WDPCP: variants seen among roughly 807,000 people sequenced by gnomAD.
The protein encoded by WDPCP is WD repeat containing planar cell polarity effector.
In WDPCP, 71 loss-of-function variants were observed where a neutral mutation model predicts 93.1. That is an observed-to-expected ratio of 0.76 (90% confidence interval 0.63 to 0.93). The LOEUF (loss-of-function observed/expected upper bound fraction) is 0.93, where lower values mean the gene tolerates loss of function less well. Among genes scored for constraint, WDPCP ranks in the 40% least tolerant of loss-of-function variants. The probability of loss-of-function intolerance (pLI) is 0.00; values close to 1 mark genes in which losing one functional copy is unlikely to be tolerated. For synonymous variants in WDPCP, 315 were observed against 315.0 expected, an observed-to-expected ratio of 1.00 and a Z score of 0.00; for missense variants, 844 against 887.4, an observed-to-expected ratio of 0.95 and a Z score of 0.62.
intron 3 of WDPCP, chr2:63,622,589 C>T (rs1487267869): frequency 6.2e-7 from 1 of 1,613,798 alleles, no homozygotes; most frequent in Non-Finnish European, 8.5e-7. Context: ...TAGAGTCCTC[C>T]AGGATGTACA....
upstream of WDPCP, among the ~76,000 whole-genome samples, chr2:63,828,131 A>G (rs1671140131): frequency 6.7e-6 from 1 of 149,212 alleles, no homozygotes; most frequent in South Asian, 2.1e-4. Context: ...TGTTTTTTAG[A>G]TCTCTTCTTT....
intron 2 of WDPCP, among the ~76,000 whole-genome samples, chr2:63,757,972 C>G (rs1420511516): frequency 6.6e-6 from 1 of 152,056 alleles, no homozygotes; most frequent in African/African-American, 2.4e-5. Flanking sequence ...TTGTTTGTTA[C>G]TACAGTAAAA....
At position 63,709,117 on chromosome 2, in the gene WDPCP, CAGAT is replaced by C. The variant is rs1669221117; in HGVS notation, n.309-58283_309-58280del. 2.7e-5 allele frequency among the ~76,000 whole-genome samples: 2 copies of C among 74,382 alleles called. 1 individual carries two copies. Among genetic ancestry groups the C allele is most frequent in the African/African-American group, 1.2e-4 (2 of 16,896 alleles). 48.8% of individuals were successfully genotyped at this position (74,382 alleles called of 152,430 possible). ...GCTTGGTGATGTATGCCTGTAATCC[CAGAT>C]ACTAGGTAGGCTGAGGCCAGAGAAT... On this transcript the variant is annotated intron_variant and non_coding_transcript_variant, in intron 2 of 4. Coordinates refer to the WDPCP transcript ENST00000467687.
chr2:63,254,236 CA>C (rs1278225599), intron 14 of WDPCP, among the ~76,000 whole-genome samples: 1 of 152,008 alleles, frequency 6.6e-6, no homozygotes, highest in Non-Finnish European at 1.5e-5. Context: ...AATAGAAGGG[CA>C]AGGAGCAAGG....
intron 5 of WDPCP, 109 bp from the exon 6 acceptor site, chr2:63,484,772 A>T (rs1399673140): frequency 1.3e-6 from 2 of 1,516,382 alleles, no homozygotes; most frequent in African/African-American, 2.8e-5. Context: ...CCACACAAAG[A>T]TCCAACTGTT....
At chr2:63,160,963 A>G (rs1233761208) in intron 15 of WDPCP, among the ~76,000 whole-genome samples, 1 of 152,250 alleles carries the variant, frequency 6.6e-6, no homozygotes, top group African/African-American at 2.4e-5. Context: ...TTATAGAACC[A>G]TAAGTAAGAA....
intron 3 of WDPCP, chr2:63,604,858 GGAGAATTT>G: frequency 6.2e-7 from 1 of 1,614,072 alleles, no homozygotes; most frequent in Non-Finnish European, 8.5e-7. Flanking sequence ...CTGGCTCAAG[GGAGAATTT>G]GTCACGGTAA....
intron 1 of WDPCP, among the ~76,000 whole-genome samples, chr2:63,578,691 T>C (rs1708279334): frequency 6.6e-6 from 1 of 152,134 alleles, no homozygotes; most frequent in Non-Finnish European, 1.5e-5. Flanking sequence ...GACACCCAGA[T>C]AATTAAGAGC....
chr2:63,597,968 T>A (rs1709350190), intron 3 of WDPCP: 1 of 153,482 alleles, frequency 6.5e-6, no homozygotes, highest in East Asian at 1.9e-4. Flanking sequence ...AAGATAGTGG[T>A]TTCTGAATGC....
intron 6 of WDPCP, among the ~76,000 whole-genome samples, chr2:63,479,182 T>C (rs1055027541): frequency 6.6e-6 from 1 of 151,990 alleles, no homozygotes; most frequent in Non-Finnish European, 1.5e-5. Flanking sequence ...GCAGCAAGAC[T>C]GAAATGGTAA....
intron 6 of WDPCP, among the ~76,000 whole-genome samples, chr2:63,452,288 T>G (rs141375498): frequency 6.6e-6 from 1 of 152,172 alleles, no homozygotes; most frequent in Admixed American, 6.5e-5. Flanking sequence ...AGCATTCTTA[T>G]GCACCCATAA....
intron 15 of WDPCP, among the ~76,000 whole-genome samples, chr2:63,174,161 A>G (rs1330059692): frequency 6.6e-6 from 1 of 152,164 alleles, no homozygotes; most frequent in Admixed American, 6.5e-5. Context: ...TTAATATTAT[A>G]ATTATCACTT....
chr2:63,647,331 T>C (rs1360330461), intron 3 of WDPCP, among the ~76,000 whole-genome samples: 1 of 152,096 alleles, frequency 6.6e-6, no homozygotes, highest in East Asian at 1.9e-4. Context: ...AGAGATGGGG[T>C]TCATCATTTG....
chr2:63,206,712 T>G (rs1459365187), intron 14 of WDPCP, among the ~76,000 whole-genome samples: 1 of 152,176 alleles, frequency 6.6e-6, no homozygotes, highest in African/African-American at 2.4e-5. Flanking sequence ...TATTGTATTT[T>G]TATTCTACTC....
At chr2:63,347,805 C>T (rs1368528895) in intron 12 of WDPCP, among the ~76,000 whole-genome samples, 1 of 135,430 alleles carries the variant, frequency 7.4e-6, no homozygotes, top group Non-Finnish European at 1.5e-5. Context: ...TTGATTGTGG[C>T]CCTCCCTAAT....
intron 2 of WDPCP, among the ~76,000 whole-genome samples, chr2:63,740,218 G>A (rs1434416022): frequency 6.6e-6 from 1 of 152,064 alleles, no homozygotes; most frequent in African/African-American, 2.4e-5. Flanking sequence ...TAGAATTGCT[G>A]AGTCAGAGGA....
intron 2 of WDPCP, among the ~76,000 whole-genome samples, chr2:63,690,859 A>G (rs1668879502): frequency 6.6e-6 from 1 of 152,228 alleles, no homozygotes; most frequent in African/African-American, 2.4e-5. Flanking sequence ...TCCATTGCGT[A>G]GTTGTTAAAA....
intron 14 of WDPCP, among the ~76,000 whole-genome samples, chr2:63,177,324 T>C (rs914583404): frequency 1.3e-5 from 2 of 152,222 alleles, no homozygotes; most frequent in African/African-American, 4.8e-5. Context: ...ATTGGTAGAT[T>C]ACCTTGGGCA....
intron 1 of WDPCP, among the ~76,000 whole-genome samples, chr2:63,545,065 T>A (rs1192588540): frequency 6.6e-6 from 1 of 152,076 alleles, no homozygotes; most frequent in Non-Finnish European, 1.5e-5. Context: ...AGAAAGGTAC[T>A]CTAAGGCCTT....
Sources: allele counts gnomAD v4.1 joint callset (sites outside exome capture counted in the v4.1 genomes callset), GRCh38; gene constraint gnomAD v4.1.1; transcripts MANE v1.5; gene names NCBI Gene and HGNC (gene_info 2026-07-23, HGNC 2026-07-21).